Variants in HIP1 observed in about 807,000 individuals in gnomAD.
The protein encoded by HIP1 is huntingtin-interacting protein 1.
HIP1 carries 65 observed loss-of-function variants against 147.6 expected under a neutral mutation model. That is an observed-to-expected ratio of 0.44 (90% CI 0.36 to 0.54). The LOEUF is 0.54. HIP1 is among the 20% of genes least tolerant of loss of function. The probability of loss-of-function intolerance (pLI) is 0.00; values close to 1 mark genes in which losing one functional copy is unlikely to be tolerated. For missense variants in HIP1, 1,061 were observed against 1,299.6 expected (o/e 0.82, Z 2.82); for synonymous variants, 479 against 504.0 (o/e 0.95, Z 0.67).
intron 1 of HIP1, among the ~76,000 whole-genome samples, chr7:75,721,673 G>A (rs546264602): frequency 2.0e-5 from 3 of 152,330 alleles, no homozygotes; most frequent in African/African-American, 7.2e-5. Context: ...CTAAGCAGAG[G>A]ACAGAAGATG....
At chr7:75,701,417 A>G (rs1346122523) in intron 1 of HIP1, among the ~76,000 whole-genome samples, 1 of 151,114 alleles carries the variant, frequency 6.6e-6, no homozygotes, top group Non-Finnish European at 1.5e-5. Context: ...ACAAACAAAA[A>G]CACTACCAAA....
chr7:75,554,143 AGGT>A lies in HIP1; in HGVS notation c.2125_2127del (p.Thr709del). The stretch of plus-strand genomic sequence containing the variant: ...GCAGGCTCAGGTGGGGCTCTGAGGC[AGGT>A]GGTGGCACCATGAGCAATGGCGTCG... On this transcript the variant is annotated inframe_deletion, in exon 21 of 31. Transcript: ENST00000336926. The A allele has an allele frequency of 6.2e-7, 1 of 1,614,036 alleles. No homozygotes were observed. The highest frequency in any genetic ancestry group is 1.1e-5 in the South Asian group (1 of 91,072).
At chr7:75,736,450 C>T (rs1461479182) in intron 1 of HIP1, among the ~76,000 whole-genome samples, 3 of 151,912 alleles carry the variant, frequency 2.0e-5, no homozygotes, top group African/African-American at 7.3e-5. Flanking sequence ...GGTGCCATGG[C>T]TCATGCCTGT....
intron 1 of HIP1, among the ~76,000 whole-genome samples, chr7:75,652,489 G>C (rs1799028500): frequency 6.6e-6 from 1 of 152,038 alleles, no homozygotes; most frequent in Non-Finnish European, 1.5e-5. Flanking sequence ...TCAGCCTCCT[G>C]AGTAGCTAGG....
chr7:75,597,514 A>T (rs1454306662), intron 2 of HIP1, among the ~76,000 whole-genome samples: 1 of 152,184 alleles, frequency 6.6e-6, no homozygotes, highest in East Asian at 1.9e-4. Context: ...CCAAGGCAGG[A>T]GGATTGCTTG....
chr7:75,704,791 T>C (rs1176540507), intron 1 of HIP1, among the ~76,000 whole-genome samples: 1 of 151,422 alleles, frequency 6.6e-6, no homozygotes, highest in Non-Finnish European at 1.5e-5. Flanking sequence ...CAGGCTGGTC[T>C]TGAACTCCTG....
intron 1 of HIP1, among the ~76,000 whole-genome samples, chr7:75,648,386 G>A (rs1205675601): frequency 6.6e-6 from 1 of 152,100 alleles, no homozygotes; most frequent in Non-Finnish European, 1.5e-5. Context: ...ACTGGGCAGG[G>A]TCATGGAGGA....
intron 1 of HIP1, 129 bp downstream of exon 1, chr7:75,738,672 C>G: frequency 1.7e-6 from 2 of 1,165,630 alleles, no homozygotes; most frequent in Admixed American, 2.3e-5. Flanking sequence ...CACGTCAATG[C>G]CCCCGCTCAC....
intron 1 of HIP1, among the ~76,000 whole-genome samples, chr7:75,650,228 C>T (rs1798927449): frequency 6.6e-6 from 1 of 152,128 alleles, no homozygotes; most frequent in South Asian, 2.1e-4. Context: ...ACGGGAGCCA[C>T]TCAGCCAAGT....
chr7:75,663,984 G>GTATA (rs782429323), intron 1 of HIP1, among the ~76,000 whole-genome samples: 1 of 7,784 alleles, frequency 1.3e-4, no homozygotes, highest in African/African-American at 4.6e-4. Context: ...ACATATATGT[G>GTATA]TATATATATA....
intron 1 of HIP1, among the ~76,000 whole-genome samples, chr7:75,701,387 C>CT: frequency 6.6e-6 from 1 of 152,128 alleles, no homozygotes; most frequent in East Asian, 1.9e-4. Flanking sequence ...GAGCAAGACT[C>CT]TGTCTCAAAA....
At chr7:75,542,497 G>A (rs376725047) in intron 28 of HIP1, among the ~76,000 whole-genome samples, 27 of 152,020 alleles carry the variant, frequency 1.8e-4, no homozygotes, top group Admixed American at 5.9e-4. Flanking sequence ...TGAGGAGTTC[G>A]AGACCAGCTT....
At chr7:75,540,734 A>T (rs1317055136) in intron 29 of HIP1, among the ~76,000 whole-genome samples, 1 of 152,132 alleles carries the variant, frequency 6.6e-6, no homozygotes, top group Non-Finnish European at 1.5e-5. Flanking sequence ...TTTTTAAAGG[A>T]TCTCGCTGAT....
At chr7:75,543,057 G>T in intron 27 of HIP1, 83 bp from the exon 28 acceptor site, 1 of 1,449,938 alleles carries the variant, frequency 6.9e-7, no homozygotes. Flanking sequence ...ATGGTTCTTA[G>T]CAAACATATG....
intron 1 of HIP1, among the ~76,000 whole-genome samples, chr7:75,713,515 A>G (rs1041174921): frequency 1.3e-5 from 2 of 152,072 alleles, no homozygotes; most frequent in African/African-American, 2.4e-5. Flanking sequence ...GCTCCTCTTC[A>G]AAGCAGGCAA....
At chr7:75,692,886 C>T (rs1034506120) in intron 1 of HIP1, among the ~76,000 whole-genome samples, 2 of 151,834 alleles carry the variant, frequency 1.3e-5, no homozygotes, top group African/African-American at 4.8e-5. Flanking sequence ...ACGATGCAGC[C>T]GGGCATGGTG....
chr7:75,704,821 C>T lies in HIP1; in HGVS notation c.120+33980G>A, dbSNP rs1286233683. Among the ~76,000 whole-genome samples, 3 of 152,248 alleles carry T rather than the reference C, an allele frequency of 2.0e-5. No individual in the cohort carries two copies. The East Asian group carries it at 5.8e-4, about 29-fold the overall frequency. The stretch of plus-strand genomic sequence containing the variant: ...CTCCTGACCTCAGGTGAACTGCCTG[C>T]CTCAGCCTCCCAAAGTGCTGGGATT... On this transcript the variant is annotated intron_variant, in intron 1 of 30. Coordinates refer to ENST00000336926, the MANE Select transcript of HIP1 (RefSeq NM_005338.7).
At chr7:75,571,016 A>G (rs1795610089) in intron 8 of HIP1, among the ~76,000 whole-genome samples, 1 of 151,442 alleles carries the variant, frequency 6.6e-6, no homozygotes, top group Non-Finnish European at 1.5e-5. Flanking sequence ...TTTCAGAAAA[A>G]TAAATAAATA....
chr7:75,656,932 A>G (rs782191158), intron 1 of HIP1, among the ~76,000 whole-genome samples: 4 of 152,214 alleles, frequency 2.6e-5, no homozygotes, highest in Non-Finnish European at 5.9e-5. Context: ...ATCCTAGAGG[A>G]ATGTTCCCAC....
Sources: allele counts gnomAD v4.1 joint callset (sites outside exome capture counted in the v4.1 genomes callset), GRCh38; gene constraint gnomAD v4.1.1; transcripts MANE v1.5; gene names NCBI Gene and HGNC (gene_info 2026-07-23, HGNC 2026-07-21).